STMN4: variants seen among roughly 807,000 people sequenced by gnomAD.
STMN4 encodes the protein stathmin 4, also known as stathmin-4.
Under a neutral mutation model 29.1 loss-of-function variants are expected in STMN4, and 12 were observed. The ratio of observed to expected loss-of-function variants is 0.41; its 90% CI spans 0.26 to 0.67. STMN4 has a LOEUF of 0.67. Among genes scored for constraint, STMN4 ranks in the 30% least tolerant of loss-of-function variants. STMN4 has a pLI of 0.30. For missense variants in STMN4, 181 were observed against 262.8 expected (o/e 0.69, Z 2.15); for synonymous variants, 114 against 105.3 (o/e 1.08, Z -0.51).
At chr8:27,242,786 T>G (rs1801514279) in intron 2 of STMN4, among the ~76,000 whole-genome samples, 1 of 152,138 alleles carries the variant, frequency 6.6e-6, no homozygotes, top group Admixed American at 6.5e-5. Flanking sequence ...AATGCCCTCA[T>G]GGAAAGGTCC....
chr8:27,238,230 T>C (rs985903891), intron 6 of STMN4, among the ~76,000 whole-genome samples: 1 of 152,158 alleles, frequency 6.6e-6, no homozygotes, highest in Non-Finnish European at 1.5e-5. Context: ...TTATACCAAG[T>C]GAGTCTGGTA....
intron 1 of STMN4, among the ~76,000 whole-genome samples, chr8:27,245,267 C>G (rs1801592946): frequency 6.6e-6 from 1 of 152,238 alleles, no homozygotes; most frequent in Non-Finnish European, 1.5e-5. Flanking sequence ...ATCAGGACAG[C>G]TATCAGGTGC....
rs1283437972 is a variant in STMN4 at position 27,241,153 on chromosome 8, A to G, written c.300T>C (p.Phe100=). The part of the protein sequence containing the change: ...SFEVILKPPS[F]DGVPEFNASL... Reference sequence around the variant, plus strand: ...AGGCGTTGAACTCGGGAACCCCATCAAAGGAGGGTGGCTTCAGGATGACTT... The same window carrying G: ...AGGCGTTGAACTCGGGAACCCCATCGAAGGAGGGTGGCTTCAGGATGACTT... Residue 100 remains phenylalanine (F), a synonymous_variant, in exon 5 of 7, where the codon TTT becomes TTC. Transcript: ENST00000350889. The G allele has an allele frequency of 6.2e-7, 1 of 1,614,250 alleles. No homozygotes were observed. Among genetic ancestry groups the G allele is most frequent in the South Asian group, 1.1e-5 (1 of 91,088 alleles).
chr8:27,236,738 T>G lies in STMN4; in HGVS notation c.*108A>C. 7.5e-6 allele frequency: 3 copies of G among 399,950 alleles called. No individual in the cohort carries two copies. Among genetic ancestry groups the G allele is most frequent in the Middle Eastern group, 9.0e-4 (1 of 1,112 alleles). The allele number at this position is 399,950 out of a possible 1,614,324, so 24.8% of individuals were successfully genotyped here. A position where few individuals can be genotyped will look rare whatever the true frequency, so the allele number is the denominator to read the frequency against. On this transcript the variant is annotated 3_prime_UTR_variant, in exon 7 of 7. Coordinates refer to ENST00000350889, the MANE Select transcript of STMN4 (RefSeq NM_030795.4). ...AGGAAACGCCCCTTGGCCACCCCCC[T>G]CCCCCCAAACCCCAGTGCTGGGAGC...
At chr8:27,257,339 G>A (rs1441963481) in intron 1 of STMN4, among the ~76,000 whole-genome samples, 1 of 152,026 alleles carries the variant, frequency 6.6e-6, no homozygotes, top group African/African-American at 2.4e-5. Context: ...AGCCTCAGCA[G>A]GCCACCTCTG....
In STMN4 at chr8:27,236,410, C is replaced by T. The variant is rs531472649; in HGVS notation, c.*436G>A. The T allele has an allele frequency of 5.4e-4, 83 of 154,326 alleles. No individual in the cohort carries two copies. Among genetic ancestry groups the T allele is most frequent in the Admixed American group, 1.6e-3 (25 of 15,344 alleles). The allele number at this position is 154,326 out of a possible 1,614,324, so 9.6% of individuals were successfully genotyped here. A position where few individuals can be genotyped will look rare whatever the true frequency, so the allele number is the denominator to read the frequency against. On this transcript the variant is annotated 3_prime_UTR_variant, in exon 7 of 7. Coordinates refer to ENST00000350889, the MANE Select transcript of STMN4 (RefSeq NM_030795.4). ...AGCAACACCACTGGTACTCACAACC[C>T]CTCTGGCTGGGTTCTCTGGTGCGCC...
intron 1 of STMN4, among the ~76,000 whole-genome samples, chr8:27,253,704 T>C (rs1801856813): frequency 1.3e-5 from 2 of 152,110 alleles, no homozygotes; most frequent in Admixed American, 1.3e-4. Context: ...GATACCATTT[T>C]TTTTTGTATT....
intron 1 of STMN4, among the ~76,000 whole-genome samples, chr8:27,245,256 C>T (rs1160423184): frequency 6.6e-6 from 1 of 152,214 alleles, no homozygotes; most frequent in Non-Finnish European, 1.5e-5. Flanking sequence ...CTGTCTTTTG[C>T]ATCAGGACAG....
intron 6 of STMN4, chr8:27,239,351 G>T: frequency 6.7e-7 from 1 of 1,496,252 alleles, no homozygotes; most frequent in South Asian, 1.2e-5. Flanking sequence ...TGAGACTCAG[G>T]AAATGAGGCC....
intron 1 of STMN4, among the ~76,000 whole-genome samples, chr8:27,253,008 G>A (rs774802600): frequency 1.1e-4 from 16 of 152,170 alleles, no homozygotes; most frequent in Admixed American, 2.6e-4. Context: ...TTTCATATCA[G>A]CAGAGGACAA....
chr8:27,254,488 C>G (rs989261566), intron 1 of STMN4, among the ~76,000 whole-genome samples: 1 of 152,234 alleles, frequency 6.6e-6, no homozygotes, highest in Admixed American at 6.5e-5. Context: ...TCCCTCCACC[C>G]GCCTCTGACA....
intron 1 of STMN4, among the ~76,000 whole-genome samples, chr8:27,252,814 G>A (rs1016337044): frequency 2.0e-5 from 3 of 152,152 alleles, no homozygotes; most frequent in Non-Finnish European, 4.4e-5. Context: ...TAAATGCAAT[G>A]GATGATTGCT....
chr8:27,247,254 CA>C (rs150260843), intron 1 of STMN4, among the ~76,000 whole-genome samples: 8,643 of 107,710 alleles, frequency 0.08, 332 homozygotes, highest in Non-Finnish European at 0.11. Flanking sequence ...GACTTTGTCT[CA>C]AAAAAAAAAA....
chr8:27,246,107 C>G lies in STMN4; in HGVS notation c.-78-2306G>C, dbSNP rs187299477. Among the ~76,000 whole-genome samples the G allele has an allele frequency of 4.8e-3, 735 of 152,292 alleles. 4 individuals are homozygous for G. Among genetic ancestry groups the G allele is most frequent in the Non-Finnish European group, 7.3e-3 (495 of 68,032 alleles). On this transcript the variant is annotated intron_variant, in intron 1 of 6. Transcript: ENST00000350889. ...AACTAGATACTCACTAATGCTTTCT[C>G]TATGGTCCTGAGGACTCACAGAAAG... is the stretch of plus-strand genomic sequence containing the variant.
At chr8:27,239,929 A>G (rs1346400731) in intron 6 of STMN4, 42 bp downstream of exon 6, 1 of 1,614,076 alleles carries the variant, frequency 6.2e-7, no homozygotes, top group South Asian at 1.1e-5. Context: ...GAAGGAAAAC[A>G]GCATGTCCCA....
intron 3 of STMN4, chr8:27,242,102 T>A (rs1219017144): frequency 1.8e-6 from 1 of 562,760 alleles, no homozygotes; most frequent in Non-Finnish European, 3.2e-6. Context: ...AATATCTGTC[T>A]GGCTCACCTT....
intron 1 of STMN4, among the ~76,000 whole-genome samples, chr8:27,248,308 A>T (rs978260399): frequency 1.3e-5 from 2 of 152,142 alleles, no homozygotes; most frequent in Non-Finnish European, 2.9e-5. Context: ...GTGTGGCCTC[A>T]TCCCAGACTG....
In STMN4 at chr8:27,241,702, A is replaced by G; in HGVS notation, c.165T>C (p.Ala55=). 6.2e-7 allele frequency: 1 copy of G among 1,614,110 alleles called. No individual in the cohort carries two copies. Among genetic ancestry groups the G allele is most frequent in the Non-Finnish European group, 8.5e-7 (1 of 1,180,000 alleles). The change falls in exon 4 of 7, where the codon GCT becomes GCC. Residue 55 remains alanine, a synonymous_variant. Coordinates refer to ENST00000350889, the MANE Select transcript of STMN4 (RefSeq NM_030795.4). ...RKDESQRKDS[A]DWRERRAQAD... The stretch of plus-strand genomic sequence containing the variant: ...CCTGAGCTCTTCTTTCTCTCCAGTC[A>G]GCACTGTCTTTCCGCTGGCTTTCAT...
chr8:27,243,719 G>T lies in STMN4; in HGVS notation c.5C>A (p.Thr2Asn), dbSNP rs147335474. M[T>N]LAAYKEKMKE... is the part of the protein sequence containing the mutation. ...ATGGTTTTTGTACCTACCAGCAAGG[G>T]TCATGTTTCTGGGATCTGGTGGCTG... The change falls in exon 2 of 7, where the codon ACC (threonine) becomes AAC (asparagine). Residue 2 changes from threonine to asparagine, a missense_variant. Transcript: ENST00000350889. The T allele has an allele frequency of 1.4e-5, 23 of 1,614,206 alleles. No individual in the cohort carries two copies. Among genetic ancestry groups the T allele is most frequent in the South Asian group, 7.7e-5 (7 of 91,086 alleles).
Sources: allele counts gnomAD v4.1 joint callset (sites outside exome capture counted in the v4.1 genomes callset), GRCh38; gene constraint gnomAD v4.1.1; transcripts MANE v1.5; gene names NCBI Gene and HGNC (gene_info 2026-07-23, HGNC 2026-07-21).